Variants in KCNN2 observed in about 807,000 individuals in gnomAD.
KCNN2 encodes potassium calcium-activated channel subfamily N member 2.
A neutral mutation model predicts 55.5 loss-of-function variants in KCNN2; 24 were observed. The observed-to-expected ratio is 0.43, with a 90% CI of 0.31 to 0.61. The LOEUF (loss-of-function observed/expected upper bound fraction) is 0.61, where lower values mean the gene tolerates loss of function less well. Among genes scored for constraint, KCNN2 ranks in the 20% least tolerant of loss-of-function variants. The probability of loss-of-function intolerance (pLI) is 0.08; values close to 1 mark genes in which losing one functional copy is unlikely to be tolerated. For synonymous variants in KCNN2, 431 were observed against 336.1 expected, an observed-to-expected ratio of 1.28 and a Z score of -3.09; for missense variants, 754 against 853.6, an observed-to-expected ratio of 0.88 and a Z score of 1.45.
chr5:114,470,749 G>A (rs763769523), intron 4 of KCNN2, among the ~76,000 whole-genome samples: 2 of 152,242 alleles, frequency 1.3e-5, no homozygotes, highest in Non-Finnish European at 1.5e-5. Flanking sequence ...ACTCTTATAA[G>A]AATTTTGACC....
intron 2 of KCNN2, among the ~76,000 whole-genome samples, chr5:114,352,475 A>ATAAAGTAATAGGTTACTTTTTTCT (rs1561581510): frequency 3.4e-5 from 5 of 147,062 alleles, no homozygotes; most frequent in African/African-American, 5.0e-5. Flanking sequence ...TTCTTTTCTC[A>ATAAAGTAATAGGTTACTTTTTTCT]TAAAGTAATA....
rs183692070 is a variant in KCNN2 at position 114,165,892 on chromosome 5, G to A, written c.-270-55588G>A. Among the ~76,000 whole-genome samples, 14 of 152,118 alleles carry A rather than the reference G, an allele frequency of 9.2e-5. No individual in the cohort carries two copies. In the East Asian group the frequency reaches 1.5e-3, roughly 17 times the overall value. On this transcript the variant is annotated intron_variant, in intron 1 of 10. Coordinates refer to the KCNN2 transcript ENST00000512097. ...GGTTTTTAACTGTGTGGGGGTTGGC[G>A]TCCCTAACCCCACATTTTTCAAGGG...
intron 1 of KCNN2, among the ~76,000 whole-genome samples, chr5:114,163,535 A>G (rs920090144): frequency 3.9e-5 from 6 of 152,190 alleles, no homozygotes; most frequent in Non-Finnish European, 7.3e-5. Context: ...TTCTGCATCT[A>G]TTGAGATCAT....
chr5:114,059,602 AACTAGCCCAGG>A (rs1750284456), intron 1 of KCNN2, among the ~76,000 whole-genome samples: 1 of 152,254 alleles, frequency 6.6e-6, no homozygotes, highest in African/African-American at 2.4e-5. Flanking sequence ...GAAGGTGGGT[AACTAGCCCAGG>A]TTTCTGATGC....
chr5:114,193,000 G>T (rs1753481339), intron 1 of KCNN2, among the ~76,000 whole-genome samples: 1 of 151,862 alleles, frequency 6.6e-6, no homozygotes, highest in South Asian at 2.1e-4. Flanking sequence ...GCCATATTTA[G>T]CAAATATAAA....
chr5:114,465,067 C>T (rs367795972), intron 4 of KCNN2, among the ~76,000 whole-genome samples: 27 of 152,188 alleles, frequency 1.8e-4, no homozygotes, highest in African/African-American at 6.5e-4. Context: ...CAAGATGGTA[C>T]CCTCTTTTAT....
intron 2 of KCNN2, among the ~76,000 whole-genome samples, chr5:114,339,446 A>G (rs571350966): frequency 8.0e-4 from 122 of 152,302 alleles, no homozygotes; most frequent in South Asian, 3.3e-3. Flanking sequence ...AAAAAACTAC[A>G]AATATTTAAC....
At chr5:114,213,596 A>G (rs1753934794) in intron 1 of KCNN2, among the ~76,000 whole-genome samples, 1 of 151,974 alleles carries the variant, frequency 6.6e-6, no homozygotes, top group African/African-American at 2.4e-5. Flanking sequence ...TAAAAAATCT[A>G]TTTCCTTCAA....
chr5:114,385,379 G>A (rs1242951539), intron 2 of KCNN2, among the ~76,000 whole-genome samples: 5 of 152,006 alleles, frequency 3.3e-5, no homozygotes, highest in East Asian at 3.9e-4. Flanking sequence ...GACATCAACC[G>A]TAGGCATCAT....
rs144673149 is a variant in KCNN2 at position 114,484,148 on chromosome 5, T to C, written c.1891-2902T>C. ...CCAGTTAACACCATAGACATTTATT[T>C]AGTACGAGCTGTGCCTAAAGCACTG... is the stretch of plus-strand genomic sequence containing the variant. On this transcript the variant is annotated intron_variant, in intron 5 of 7. Transcript: ENST00000673685. 6.9e-4 allele frequency among the ~76,000 whole-genome samples: 105 copies of C among 152,240 alleles called. No individual in the cohort carries two copies. The East Asian group carries it at 0.02, about 29-fold the overall frequency.
chr5:114,409,645 G>A (rs1759063296), intron 3 of KCNN2, among the ~76,000 whole-genome samples: 1 of 152,068 alleles, frequency 6.6e-6, no homozygotes, highest in Non-Finnish European at 1.5e-5. Flanking sequence ...TTTTTTAAAA[G>A]GAAAGAGCTA....
chr5:114,398,522 G>T (rs1758690037), intron 2 of KCNN2, among the ~76,000 whole-genome samples: 2 of 147,726 alleles, frequency 1.4e-5, no homozygotes, highest in African/African-American at 2.5e-5. Context: ...GGATTGCTTT[G>T]GCTATTCAGG....
intron 2 of KCNN2, among the ~76,000 whole-genome samples, chr5:114,257,155 G>T (rs1325370121): frequency 1.3e-5 from 2 of 152,074 alleles, no homozygotes; most frequent in Non-Finnish European, 2.9e-5. Flanking sequence ...CTTTGTCAAA[G>T]ATCAGTTAGC....
intron 2 of KCNN2, among the ~76,000 whole-genome samples, chr5:114,375,216 G>T (rs1757897124): frequency 2.0e-5 from 3 of 152,114 alleles, no homozygotes; most frequent in Non-Finnish European, 4.4e-5. Context: ...GGATAGTAGA[G>T]TATTTAAGAA....
intron 2 of KCNN2, among the ~76,000 whole-genome samples, chr5:114,244,586 A>C (rs1470849544): frequency 6.6e-6 from 1 of 151,520 alleles, no homozygotes; most frequent in Non-Finnish European, 1.5e-5. Context: ...AATAAGAGCA[A>C]AACTCTGGGG....
chr5:114,228,671 G>A (rs768854698), intron 2 of KCNN2, among the ~76,000 whole-genome samples: 1 of 152,070 alleles, frequency 6.6e-6, no homozygotes, highest in East Asian at 1.9e-4. Flanking sequence ...TTCTCACTCA[G>A]CCCCTTACTT....
chr5:114,160,784 T>C (rs1752757133), intron 1 of KCNN2, among the ~76,000 whole-genome samples: 1 of 149,932 alleles, frequency 6.7e-6, no homozygotes, highest in Admixed American at 6.6e-5. Flanking sequence ...CTTTTGATCT[T>C]TGTTGGTTTA....
chr5:114,331,022 T>C (rs528174094), intron 2 of KCNN2, among the ~76,000 whole-genome samples: 1 of 152,354 alleles, frequency 6.6e-6, no homozygotes, highest in South Asian at 2.1e-4. Context: ...CCTTGCTACA[T>C]TTTCAGATAC....
At chr5:114,441,439 C>G (rs1760210646) in intron 3 of KCNN2, among the ~76,000 whole-genome samples, 1 of 152,154 alleles carries the variant, frequency 6.6e-6, no homozygotes, top group African/African-American at 2.4e-5. Context: ...TAAAATACAT[C>G]TCAGTAGATT....
Sources: allele counts gnomAD v4.1 joint callset (sites outside exome capture counted in the v4.1 genomes callset), GRCh38; gene constraint gnomAD v4.1.1; transcripts MANE v1.5; gene names NCBI Gene and HGNC (gene_info 2026-07-23, HGNC 2026-07-21).